BPI: variants seen among roughly 807,000 people sequenced by gnomAD.
BPI encodes bactericidal permeability increasing protein.
A neutral mutation model predicts 57.6 loss-of-function variants in BPI; 48 were observed. The observed-to-expected ratio is 0.83, with a 90% CI of 0.66 to 1.06. The LOEUF is 1.06. BPI is among the 50% of genes least tolerant of loss of function. The pLI, the probability that BPI is intolerant of heterozygous loss-of-function variation, is 0.00. For synonymous variants in BPI, 237 were observed against 238.2 expected, an observed-to-expected ratio of 0.99 and a Z score of 0.05; for missense variants, 651 against 609.7, an observed-to-expected ratio of 1.07 and a Z score of -0.71.
intron 3 of BPI, among the ~76,000 whole-genome samples, 162 bp downstream of exon 3, chr20:38,309,220 C>T (rs1423701449): frequency 1.3e-5 from 2 of 152,186 alleles, no homozygotes; most frequent in Non-Finnish European, 2.9e-5. Context: ...TTCAACATAA[C>T]CCTTGATTAA....
At position 38,311,912 on chromosome 20, in the gene BPI, C is replaced by T. The variant is rs5743509; in HGVS notation, c.575C>T (p.Ala192Val). ...CTCTTCCACAAAAAAATTGAGTCTG[C>T]GCTTCGAAACAAGATGAACAGCCAG... ...IQLFHKKIES[A>V]LRNKMNSQVC... The change falls in exon 5 of 15, where the codon GCG becomes GTG. Residue 192 changes from alanine (A) to valine (V), a missense_variant. Transcript: ENST00000642449. 90,164 of 1,613,722 alleles carry T rather than the reference C, an allele frequency of 0.056. 2,878 individuals are homozygous for T. Among genetic ancestry groups the T allele is most frequent in the South Asian group, 0.11 (10,395 of 91,026 alleles).
In BPI at chr20:38,320,206, G is replaced by A; in HGVS notation, c.688G>A (p.Ala230Thr). 1 of 1,614,052 alleles carries A rather than the reference G, an allele frequency of 6.2e-7. No homozygotes were observed. The highest frequency in any genetic ancestry group is 8.5e-7 in the Non-Finnish European group (1 of 1,179,978). The part of the protein sequence containing the change: ...LPVMTKIDSV[A>T]GINYGLVAPP... ...AGTAATGACCAAAATAGATTCTGTGGCTGGAATCAACTATGGTCTGGTGGC... is the reference window on the plus strand; with the variant it reads ...AGTAATGACCAAAATAGATTCTGTGACTGGAATCAACTATGGTCTGGTGGC... Residue 230 changes from alanine to threonine, a missense_variant, in exon 7 of 15, where the codon GCT (alanine) becomes ACT (threonine). Physicochemically the swap from Ala to Thr is moderately conservative, Grantham distance 58 (BLOSUM62 0). Transcript: ENST00000642449.
chr20:38,309,107 G>A (rs2076610293), intron 3 of BPI, 49 bp downstream of exon 3: 1 of 1,612,390 alleles, frequency 6.2e-7, no homozygotes, highest in African/African-American at 1.3e-5. Context: ...GGTGATATTT[G>A]GACGGGATTA....
chr20:38,337,468 G>T lies in BPI; in HGVS notation c.*284G>T. ...TTGTAACCAAGAAATTTCCATTTGT[G>T]CTTCATGAAAAAAAACTTCTGGTTT... On this transcript the variant is annotated 3_prime_UTR_variant, in exon 15 of 15. Coordinates refer to ENST00000642449, the MANE Select transcript of BPI (RefSeq NM_001725.3). The T allele has an allele frequency of 2.9e-6, 1 of 340,584 alleles. No individual in the cohort carries two copies. Among genetic ancestry groups the T allele is most frequent in the Non-Finnish European group, 5.2e-6 (1 of 191,436 alleles). The allele number at this position is 340,584 out of a possible 1,614,324, so 21.1% of individuals were successfully genotyped here.
At chr20:38,322,040 TA>T (rs1413221483) in intron 7 of BPI, among the ~76,000 whole-genome samples, 11 of 152,222 alleles carry the variant, frequency 7.2e-5, no homozygotes, top group Admixed American at 2.0e-4. Flanking sequence ...TTTACAACTT[TA>T]AAAACTCAAC....
At chr20:38,332,539 T>C (rs2076747776) in intron 12 of BPI, among the ~76,000 whole-genome samples, 5 of 152,048 alleles carry the variant, frequency 3.3e-5, no homozygotes, top group Admixed American at 3.3e-4. Context: ...CACAGTGGGG[T>C]ATAACATGTG....
At chr20:38,319,852 A>C in intron 6 of BPI, 1 of 188,756 alleles carries the variant, frequency 5.3e-6, no homozygotes, top group Non-Finnish European at 8.8e-6. Context: ...TGTTCTACAA[A>C]TGACAAAAAG....
Position 38,307,595 on chromosome 20 carries a change from GA to G in BPI, c.161del (p.Lys54ArgfsTer3). 1 of 1,610,348 alleles carries G rather than the reference GA, an allele frequency of 6.2e-7. No individual in the cohort carries two copies. Among genetic ancestry groups the G allele is most frequent in the South Asian group, 1.1e-5 (1 of 90,190 alleles). On this transcript the variant is annotated frameshift_variant, in exon 2 of 15. Coordinates refer to ENST00000642449, the MANE Select transcript of BPI (RefSeq NM_001725.3). LOFTEE classifies it high-confidence loss of function. ...GCCAGCAGGGGACGGCCGCTCTGCA[GA>G]AGGAGCTGAAGAGGATCAAGATTCC... Reference protein sequence around the residue: ...ASQQGTAALQKELKRIKIPDY... With the variant: ...ASQQGTAALQXELKRIKIPDY...
chr20:38,318,347 G>A (rs373059376), intron 5 of BPI, 66 bp from the exon 6 acceptor site: 136 of 1,502,874 alleles, frequency 9.0e-5, no homozygotes, highest in Non-Finnish European at 1.1e-4. Flanking sequence ...TATCTGGCCC[G>A]TTATTGTCAA....
At position 38,304,177 on chromosome 20, in the gene BPI, A is replaced by G. The variant is rs377028428; in HGVS notation, c.-47A>G. The G allele has an allele frequency of 8.0e-4, 1,283 of 1,611,830 alleles. 25 individuals carry two copies. The South Asian group carries it at 0.013, about 16-fold the overall frequency. ...GACTCTTTTATAGCTCCCTGGTTCA[A>G]CCTCAAGGCCTTGAGGTTTTGGCAG... On this transcript the variant is annotated 5_prime_UTR_variant, in exon 1 of 15. Coordinates refer to ENST00000642449, the MANE Select transcript of BPI (RefSeq NM_001725.3).
At chr20:38,306,990 T>G (rs937126316) in intron 1 of BPI, among the ~76,000 whole-genome samples, 3 of 151,902 alleles carry the variant, frequency 2.0e-5, no homozygotes, top group Non-Finnish European at 4.4e-5. Flanking sequence ...CGAAACCAGC[T>G]GGGCAACATG....
At chr20:38,316,990 C>G (rs890533250) in intron 5 of BPI, among the ~76,000 whole-genome samples, 1 of 152,084 alleles carries the variant, frequency 6.6e-6, no homozygotes, top group Non-Finnish European at 1.5e-5. Flanking sequence ...TGGGGAAAAG[C>G]CTGCAGGGGA....
intron 7 of BPI, among the ~76,000 whole-genome samples, chr20:38,320,966 G>A (rs1234867081): frequency 3.6e-5 from 2 of 54,876 alleles, no homozygotes; most frequent in African/African-American, 1.4e-4. Flanking sequence ...GTGTTGGTGG[G>A]TGGATGGATG....
At chr20:38,335,914 T>C (rs2076765465) in intron 14 of BPI, among the ~76,000 whole-genome samples, 1 of 152,134 alleles carries the variant, frequency 6.6e-6, no homozygotes, top group African/African-American at 2.4e-5. Flanking sequence ...ACTGCATCGT[T>C]CCCACGCTAC....
chr20:38,334,466 C>T lies in BPI; in HGVS notation c.1309C>T (p.Pro437Ser), dbSNP rs1170296003. The T allele has an allele frequency of 2.5e-6, 4 of 1,613,796 alleles. No homozygotes were observed. Among genetic ancestry groups the T allele is most frequent in the African/African-American group, 2.7e-5 (2 of 74,894 alleles). ...LLQDIMNYIV[P>S]ILVLPRVNEK... ...GCAGGATATCATGAACTACATTGTA[C>T]CCATTCTTGTGCTGCCCAGGGTTAA... Residue 437 changes from proline (P) to serine (S), a missense_variant, in exon 13 of 15, where the codon CCC becomes TCC. By Grantham distance (74) the Pro-to-Ser change is moderately conservative (BLOSUM62 -1). Transcript: ENST00000642449.
At chr20:38,315,437 C>A (rs2076647569) in intron 5 of BPI, among the ~76,000 whole-genome samples, 1 of 152,166 alleles carries the variant, frequency 6.6e-6, no homozygotes, top group South Asian at 2.1e-4. Context: ...TGCGTCAGTA[C>A]AAAGTGTGCA....
Position 38,335,583 on chromosome 20 carries a change from C to T in BPI, c.1337-15C>T, listed in dbSNP as rs767204345. 3.5e-5 allele frequency: 56 copies of T among 1,609,664 alleles called. No individual in the cohort carries two copies. The African/African-American group carries it at 4.1e-4, about 12-fold the overall frequency. ...TTTCTTTTCTCCTGGTCCTCACCAT[C>T]GGTCTCTGTCACAGAGAAACTACAG... On this transcript the variant is annotated splice_polypyrimidine_tract_variant and intron_variant, in intron 13 of 14. Coordinates refer to ENST00000642449, the MANE Select transcript of BPI (RefSeq NM_001725.3).
chr20:38,322,310 G>T (rs1351448810), intron 7 of BPI, among the ~76,000 whole-genome samples: 1 of 152,098 alleles, frequency 6.6e-6, no homozygotes, highest in Non-Finnish European at 1.5e-5. Flanking sequence ...AAAAAAAAAT[G>T]AATACCCACA....
chr20:38,336,063 G>A (rs1344827942), intron 14 of BPI, among the ~76,000 whole-genome samples: 7 of 152,194 alleles, frequency 4.6e-5, no homozygotes, highest in East Asian at 1.9e-4. Context: ...TGTGGTCGAC[G>A]TCTGGCAGAT....
Sources: gnomAD v4.1 joint callset for allele counts (sites outside exome capture counted in the v4.1 genomes callset) on GRCh38, gnomAD v4.1.1 for gene constraint, MANE v1.5 for transcripts, NCBI Gene and HGNC (gene_info 2026-07-23, HGNC 2026-07-21) for gene names.